The following NCK1 variants were observed in gnomAD, a reference collection of about 807,000 sequenced individuals.
NCK1 encodes SH2/SH3 adapter protein NCK1.
In NCK1, 19 loss-of-function variants were observed where a neutral mutation model predicts 36.6. The ratio of observed to expected loss-of-function variants is 0.52; its 90% confidence interval spans 0.36 to 0.76. NCK1 has a LOEUF of 0.76. Ranked by LOEUF, NCK1 falls within the 30% of genes least tolerant of loss-of-function variation. The pLI is 0.00. For missense variants in NCK1, 358 were observed against 445.6 expected, an observed-to-expected ratio of 0.80 and a Z score of 1.77; for synonymous variants, 165 against 156.0, an observed-to-expected ratio of 1.06 and a Z score of -0.43.
chr3:136,865,319 A>C (rs7649211), intron 1 of NCK1, among the ~76,000 whole-genome samples: 103,812 of 152,032 alleles, frequency 0.68, 35,733 homozygotes, highest in East Asian at 0.87. Flanking sequence ...TCCTGACCTC[A>C]AGCAATCTGC....
At chr3:136,885,890 A>G (rs541811730) in intron 1 of NCK1, among the ~76,000 whole-genome samples, 11 of 152,302 alleles carry the variant, frequency 7.2e-5, no homozygotes, top group African/African-American at 2.4e-4. Flanking sequence ...TGGAATGGCT[A>G]ACTTAAAAGC....
intron 1 of NCK1, among the ~76,000 whole-genome samples, chr3:136,926,424 G>A (rs1035595453): frequency 5.3e-5 from 8 of 151,758 alleles, no homozygotes; most frequent in African/African-American, 1.9e-4. Flanking sequence ...ACAGGCACCC[G>A]CCACCACGCC....
chr3:136,877,996 A>G (rs1938820896), intron 1 of NCK1, among the ~76,000 whole-genome samples: 2 of 152,236 alleles, frequency 1.3e-5, no homozygotes, highest in African/African-American at 4.8e-5. Flanking sequence ...AAAAAGGAAT[A>G]TAGAACTGAT....
At chr3:136,883,358 T>C (rs1393584481) in intron 1 of NCK1, among the ~76,000 whole-genome samples, 1 of 152,178 alleles carries the variant, frequency 6.6e-6, no homozygotes, top group Non-Finnish European at 1.5e-5. Flanking sequence ...TTTCCCCTCC[T>C]GGAACCTATG....
chr3:136,870,232 C>T lies in NCK1; in HGVS notation c.-19+7879C>T, dbSNP rs1461517451. On this transcript the variant is annotated intron_variant, in intron 1 of 3. Transcript: ENST00000481752. ...TGGTGCATGCCTGTAATCCCAGCTA[C>T]TTGGGAGGCTGCTGCAGGAGAATCA... Among the ~76,000 whole-genome samples, 11 of 151,594 alleles carry T rather than the reference C, an allele frequency of 7.3e-5. 1 individual carries two copies. The highest frequency in any genetic ancestry group is 6.6e-4 in the Admixed American group (10 of 15,192).
In NCK1 at chr3:136,948,340, A is replaced by G. The variant is rs745994136; in HGVS notation, c.1021A>G (p.Ile341Val). 1.9e-6 allele frequency: 3 copies of G among 1,613,424 alleles called. No homozygotes were observed. Among genetic ancestry groups the G allele is most frequent in the Middle Eastern group, 1.7e-4 (1 of 6,058 alleles). ...CCAACTAAAAGAGACTGTCTACTGCATTGGGCAGCGTAAATTCAGCACCAT... is the reference window on the plus strand; with the variant it reads ...CCAACTAAAAGAGACTGTCTACTGCGTTGGGCAGCGTAAATTCAGCACCAT... ...KVQLKETVYC[I>V]GQRKFSTMEE... Residue 341 changes from isoleucine (I) to valine (V), a missense_variant, in exon 4 of 4, where the codon ATT becomes GTT. Ile to Val is a conservative substitution (Grantham distance 29). Transcript: ENST00000481752.
At chr3:136,941,999 C>T (rs1378510035) in intron 2 of NCK1, among the ~76,000 whole-genome samples, 1 of 152,008 alleles carries the variant, frequency 6.6e-6, no homozygotes, top group African/African-American at 2.4e-5. Flanking sequence ...CCACCACGCC[C>T]GGCTAATTTT....
intron 1 of NCK1, among the ~76,000 whole-genome samples, chr3:136,912,162 C>CTTT (rs57596314): frequency 0.015 from 1,891 of 128,124 alleles, 107 homozygotes; most frequent in African/African-American, 0.053. Flanking sequence ...ATTATTTTTT[C>CTTT]TTTTTTTTTT....
intron 1 of NCK1, among the ~76,000 whole-genome samples, chr3:136,923,063 G>A (rs1940151004): frequency 6.6e-6 from 1 of 152,074 alleles, no homozygotes; most frequent in Admixed American, 6.5e-5. Flanking sequence ...TTGTTAAACT[G>A]AAAATGAAAA....
intron 1 of NCK1, among the ~76,000 whole-genome samples, chr3:136,879,219 AT>A (rs1367447015): frequency 5.9e-5 from 9 of 152,110 alleles, no homozygotes; most frequent in Admixed American, 2.0e-4. Flanking sequence ...AAGATGGAAA[AT>A]AAATGAGAAA....
At chr3:136,885,408 C>T (rs1156778608) in intron 1 of NCK1, among the ~76,000 whole-genome samples, 1 of 152,146 alleles carries the variant, frequency 6.6e-6, no homozygotes, top group Admixed American at 6.5e-5. Flanking sequence ...AGTACAGTGG[C>T]CTGATAACTC....
chr3:136,907,285 AT>A (rs1939710378), intron 1 of NCK1, among the ~76,000 whole-genome samples: 1 of 152,062 alleles, frequency 6.6e-6, no homozygotes, highest in Non-Finnish European at 1.5e-5. Context: ...TAGGTGGAGA[AT>A]GTCAATGGGG....
chr3:136,921,680 T>A (rs1423832300), intron 1 of NCK1, among the ~76,000 whole-genome samples: 1 of 152,122 alleles, frequency 6.6e-6, no homozygotes, highest in Non-Finnish European at 1.5e-5. Context: ...TAGGGAAGAG[T>A]GTCCAGTGTG....
chr3:136,893,683 A>G (rs894369932), intron 1 of NCK1, among the ~76,000 whole-genome samples: 3 of 152,096 alleles, frequency 2.0e-5, no homozygotes, highest in Non-Finnish European at 2.9e-5. Flanking sequence ...GAGACTTTTG[A>G]TAGAATCTAC....
intron 2 of NCK1, among the ~76,000 whole-genome samples, chr3:136,943,878 A>T (rs1340633203): frequency 1.3e-5 from 2 of 152,190 alleles, no homozygotes; most frequent in Non-Finnish European, 2.9e-5. Flanking sequence ...GTCAAAGAAG[A>T]AGAAAACATA....
chr3:136,945,518 A>C (rs571846015), intron 2 of NCK1, 65 bp from the exon 3 acceptor site: 2 of 1,144,066 alleles, frequency 1.7e-6, no homozygotes, highest in Non-Finnish European at 2.5e-6. Flanking sequence ...AATAATGAAT[A>C]AGTTCATTCT....
chr3:136,880,858 C>G (rs543122290), intron 1 of NCK1, among the ~76,000 whole-genome samples: 26 of 152,262 alleles, frequency 1.7e-4, no homozygotes, highest in African/African-American at 6.0e-4. Context: ...GTCCTTCCAC[C>G]TCAGCCTCCC....
chr3:136,869,144 G>A (rs1444902982), intron 1 of NCK1, among the ~76,000 whole-genome samples: 3 of 152,068 alleles, frequency 2.0e-5, no homozygotes, highest in East Asian at 1.9e-4. Context: ...GGAGGCAGAG[G>A]CAGGAGAATG....
intron 2 of NCK1, among the ~76,000 whole-genome samples, chr3:136,944,569 G>A (rs1940762870): frequency 1.3e-5 from 2 of 152,194 alleles, no homozygotes; most frequent in South Asian, 2.1e-4. Context: ...AGATATGAGT[G>A]TGTTTTTAGA....
Sources: gnomAD v4.1 joint callset for allele counts (sites outside exome capture counted in the v4.1 genomes callset) on GRCh38, gnomAD v4.1.1 for gene constraint, MANE v1.5 for transcripts, NCBI Gene and HGNC (gene_info 2026-07-23, HGNC 2026-07-21) for gene names.